LANCL1: variants seen among roughly 807,000 people sequenced by gnomAD.
The protein encoded by LANCL1 is LanC like glutathione S-transferase 1, also known as glutathione S-transferase LANCL1.
LANCL1 carries 50 observed loss-of-function variants against 50.6 expected under a neutral mutation model. The observed-to-expected ratio is 0.99, with a 90% CI of 0.79 to 1.25. The LOEUF is 1.25. LANCL1 is among the 50% of genes most tolerant of loss of function. LANCL1 has a pLI of 0.00. For missense variants in LANCL1, 532 were observed against 480.7 expected (o/e 1.11, Z -1.00); for synonymous variants, 188 against 178.6 (o/e 1.05, Z -0.42).
chr2:210,446,548 C>G (rs1415222051), intron 4 of LANCL1, among the ~76,000 whole-genome samples: 1 of 151,992 alleles, frequency 6.6e-6, no homozygotes, highest in African/African-American at 2.4e-5. Context: ...TGGGTAATAA[C>G]AAACTCCCCT....
At chr2:210,471,042 A>ATTTT (rs35572251) in intron 3 of LANCL1, among the ~76,000 whole-genome samples, 14 of 96,286 alleles carry the variant, frequency 1.5e-4, no homozygotes, top group African/African-American at 2.4e-4. Flanking sequence ...TTCTTCTTTG[A>ATTTT]TTTTTTTTTT....
chr2:210,455,085 C>T, intron 4 of LANCL1, 22 bp downstream of exon 4: 1 of 1,584,506 alleles, frequency 6.3e-7, no homozygotes, highest in Non-Finnish European at 8.7e-7. Context: ...AGAAAATAAT[C>T]CTCATATAGA....
At chr2:210,460,285 A>G (rs1248915295) in intron 3 of LANCL1, among the ~76,000 whole-genome samples, 2 of 152,032 alleles carry the variant, frequency 1.3e-5, no homozygotes, top group African/African-American at 4.8e-5. Context: ...GGTAGGGAAA[A>G]TCATGTTCAG....
chr2:210,447,279 A>G (rs1693371962), intron 4 of LANCL1, among the ~76,000 whole-genome samples: 1 of 152,236 alleles, frequency 6.6e-6, no homozygotes, highest in Non-Finnish European at 1.5e-5. Flanking sequence ...ATGGAGAAAT[A>G]AAATCCTTTA....
chr2:210,466,123 T>C (rs1366728570), intron 3 of LANCL1, among the ~76,000 whole-genome samples: 1 of 152,188 alleles, frequency 6.6e-6, no homozygotes, highest in Admixed American at 6.5e-5. Context: ...TTCTCCTTGA[T>C]GTAGGGAAAT....
rs1411918780 is a variant in LANCL1, at chr2:210,456,923, G to GT, written c.200-1610dup. ...ACAAAACCTATTAAGGCTTGCAATT[G>GT]TAAGATTTGGTGTATTTCTCATGAA... On this transcript the variant is annotated intron_variant, in intron 3 of 9. Coordinates refer to ENST00000450366, the MANE Select transcript of LANCL1 (RefSeq NM_006055.3). 2.0e-5 allele frequency among the ~76,000 whole-genome samples: 3 copies of GT among 152,310 alleles called. No homozygotes were observed. In the South Asian group the frequency reaches 6.2e-4, roughly 32 times the overall value.
At chr2:210,475,901 A>G (rs537757529) in intron 2 of LANCL1, among the ~76,000 whole-genome samples, 60 of 152,290 alleles carry the variant, frequency 3.9e-4, no homozygotes, top group Non-Finnish European at 7.1e-4. Context: ...AGACGTCCTT[A>G]CCATACACCA....
rs200769182 is a variant in LANCL1 at position 210,472,080 on chromosome 2, G to A, written c.82-4C>T. 6.3e-7 allele frequency: 1 copy of A among 1,593,798 alleles called. No homozygotes were observed. Among genetic ancestry groups the A allele is most frequent in the African/African-American group, 1.3e-5 (1 of 74,466 alleles). ...GTTGTGAGAACTCAGGAGTCAGCTA[G>A]ATATTAAAGGAAAACAAGTATCAAA... On this transcript the variant is annotated splice_polypyrimidine_tract_variant and splice_region_variant and intron_variant, in intron 2 of 9. Coordinates refer to ENST00000450366, the MANE Select transcript of LANCL1 (RefSeq NM_006055.3).
At chr2:210,464,919 T>C (rs1433107512) in intron 3 of LANCL1, among the ~76,000 whole-genome samples, 1 of 150,566 alleles carries the variant, frequency 6.6e-6, no homozygotes, top group Non-Finnish European at 1.5e-5. Flanking sequence ...TGAGCCGAGA[T>C]TGCGCCACTG....
chr2:210,467,242 C>T (rs1468647090), intron 3 of LANCL1, among the ~76,000 whole-genome samples: 2 of 152,160 alleles, frequency 1.3e-5, no homozygotes, highest in Admixed American at 6.5e-5. Context: ...GGAAGAATTG[C>T]CAACGTACAG....
rs920571662 is a variant in LANCL1, at chr2:210,462,748, T to A, written c.200-7434A>T. Among the ~76,000 whole-genome samples the A allele has an allele frequency of 4.6e-5, 7 of 152,342 alleles. No homozygotes were observed. In the East Asian group the frequency reaches 1.3e-3, roughly 29 times the overall value. ...CCTGTAAGTCTTCTCAGGGTTTATG[T>A]CCAATTCTAAATAACTTTTTAAATA... is the stretch of plus-strand genomic sequence containing the variant. On this transcript the variant is annotated intron_variant, in intron 3 of 9. Coordinates refer to ENST00000450366, the MANE Select transcript of LANCL1 (RefSeq NM_006055.3).
At chr2:210,472,227 A>G in intron 2 of LANCL1, 151 bp from the exon 3 acceptor site, 3 of 584,342 alleles carry the variant, frequency 5.1e-6, no homozygotes, top group Non-Finnish European at 3.1e-6. Flanking sequence ...ATTCTTAAAC[A>G]ACAACATCAC....
At chr2:210,442,389 A>G (rs1013403642) in intron 4 of LANCL1, among the ~76,000 whole-genome samples, 2 of 152,222 alleles carry the variant, frequency 1.3e-5, no homozygotes, top group African/African-American at 4.8e-5. Flanking sequence ...CTATTTAACA[A>G]TACATCTTGA....
chr2:210,474,747 T>A (rs904160888), intron 2 of LANCL1, among the ~76,000 whole-genome samples: 2 of 151,054 alleles, frequency 1.3e-5, no homozygotes, highest in African/African-American at 4.9e-5. Context: ...TAAAAATAAA[T>A]AAATAAATAA....
intron 3 of LANCL1, among the ~76,000 whole-genome samples, chr2:210,465,746 A>G (rs1161751644): frequency 6.6e-6 from 1 of 152,232 alleles, no homozygotes; most frequent in Non-Finnish European, 1.5e-5. Flanking sequence ...TCAAGATAAC[A>G]GAAGCAGCAG....
intron 3 of LANCL1, among the ~76,000 whole-genome samples, chr2:210,461,481 C>G (rs1357337030): frequency 6.6e-6 from 1 of 152,116 alleles, no homozygotes; most frequent in East Asian, 1.9e-4. Context: ...TCAGCAGTAA[C>G]TAATACCCAC....
intron 2 of LANCL1, 34 bp from the exon 3 acceptor site, chr2:210,472,110 T>C (rs1694245049): frequency 7.0e-7 from 1 of 1,423,236 alleles, no homozygotes; most frequent in East Asian, 2.3e-5. Context: ...ATCAAAATAA[T>C]GTGGGTCACC....
At chr2:210,450,420 G>C (rs1211760810) in intron 4 of LANCL1, among the ~76,000 whole-genome samples, 5 of 152,116 alleles carry the variant, frequency 3.3e-5, no homozygotes, top group Non-Finnish European at 5.9e-5. Context: ...ATACCATTCA[G>C]GACATAGGCA....
intron 4 of LANCL1, among the ~76,000 whole-genome samples, chr2:210,445,877 G>A (rs1693309172): frequency 1.3e-5 from 2 of 152,084 alleles, no homozygotes; most frequent in Admixed American, 6.5e-5. Flanking sequence ...TTTTGGCCTT[G>A]TATTATCAAA....
Sources: allele counts gnomAD v4.1 joint callset (sites outside exome capture counted in the v4.1 genomes callset), GRCh38; gene constraint gnomAD v4.1.1; transcripts MANE v1.5; gene names NCBI Gene and HGNC (gene_info 2026-07-23, HGNC 2026-07-21).